TM6SF1: variants seen among roughly 807,000 people sequenced by gnomAD.
The protein encoded by TM6SF1 is transmembrane 6 superfamily member 1.
Under a neutral mutation model 47.1 loss-of-function variants are expected in TM6SF1, and 43 were observed. The ratio of observed to expected loss-of-function variants is 0.91; its 90% CI spans 0.72 to 1.18. The LOEUF is 1.18. TM6SF1 is among the 50% of genes most tolerant of loss of function. The pLI is 0.00. For missense variants in TM6SF1, 390 were observed against 449.0 expected, an observed-to-expected ratio of 0.87 and a Z score of 1.19; for synonymous variants, 177 against 166.3, an observed-to-expected ratio of 1.06 and a Z score of -0.49.
chr15:83,119,552 G>A lies in TM6SF1; in HGVS notation c.295-26G>A, dbSNP rs775297241. ...TGCATTTACAGGTCTTATTTAAAGT[G>A]GACTTCTTTTTAATGCTTTCTTTAG... On this transcript the variant is annotated intron_variant, in intron 3 of 9. Coordinates refer to ENST00000322019, the MANE Select transcript of TM6SF1 (RefSeq NM_023003.5). 8.1e-6 allele frequency: 13 copies of A among 1,612,236 alleles called. No individual in the cohort carries two copies. In the East Asian group the frequency reaches 2.7e-4, roughly 33 times the overall value.
intron 8 of TM6SF1, 43 bp downstream of exon 8, chr15:83,126,890 T>C (rs2035803418): frequency 6.5e-7 from 1 of 1,532,764 alleles, no homozygotes; most frequent in East Asian, 2.3e-5. Context: ...AAATTAATTT[T>C]CTTTTTAAAA....
chr15:83,119,835 C>A, intron 4 of TM6SF1, 154 bp downstream of exon 4: 1 of 1,169,518 alleles, frequency 8.6e-7, no homozygotes. Context: ...CTTTATCCTC[C>A]TTGTACCACT....
At chr15:83,112,061 T>G (rs1326117014) in intron 1 of TM6SF1, among the ~76,000 whole-genome samples, 1 of 152,198 alleles carries the variant, frequency 6.6e-6, no homozygotes, top group Admixed American at 6.5e-5. Context: ...GCCCTATCGC[T>G]GCCCCACTGA....
Position 83,107,680 on chromosome 15 carries a change from G to A in TM6SF1, c.-1G>A, listed in dbSNP as rs753740226. On this transcript the variant is annotated 5_prime_UTR_variant, in exon 1 of 10. Transcript: ENST00000322019. This position sits in a 1 kb window ranked among gnomAD's most constrained non-coding sequence, Gnocchi z 5.6. ...GAAGGGCGAGCGGCGCGGCGGCTGC[G>A]ATGAGTGCCTCTGCGGCCACCGGGG... The A allele has an allele frequency of 6.5e-7, 1 of 1,547,090 alleles. No homozygotes were observed. Among genetic ancestry groups the A allele is most frequent in the Non-Finnish European group, 8.7e-7 (1 of 1,148,294 alleles).
chr15:83,108,833 AG>A (rs1303349140), intron 1 of TM6SF1, among the ~76,000 whole-genome samples: 2 of 152,230 alleles, frequency 1.3e-5, no homozygotes, highest in Non-Finnish European at 2.9e-5. Context: ...TGATACAGGC[AG>A]CACCCACACT....
At chr15:83,136,181 A>G (rs1326895383) in intron 9 of TM6SF1, 1 of 239,966 alleles carries the variant, frequency 4.2e-6, no homozygotes, top group East Asian at 8.1e-5. Flanking sequence ...TTGAGCCACT[A>G]ATGTTCGGTA....
At chr15:83,126,083 T>C (rs1305291970) in intron 7 of TM6SF1, among the ~76,000 whole-genome samples, 2 of 152,132 alleles carry the variant, frequency 1.3e-5, no homozygotes, top group Non-Finnish European at 2.9e-5. Context: ...TGTGTGCATG[T>C]GTGGGGGTGC....
intron 9 of TM6SF1, chr15:83,134,606 CG>C: frequency 6.6e-6 from 1 of 152,284 alleles, no homozygotes; most frequent in Non-Finnish European, 1.5e-5. Context: ...AAAGAGCCTA[CG>C]GAATCACTGA....
At chr15:83,113,048 C>T (rs1465244004) in intron 2 of TM6SF1, 148 bp downstream of exon 2, 2 of 683,524 alleles carry the variant, frequency 2.9e-6, no homozygotes, top group Non-Finnish European at 2.6e-6. Flanking sequence ...ACAATCTGGC[C>T]CTCGCCTCTG....
At chr15:83,119,915 CTGAT>C (rs2035063376) in intron 4 of TM6SF1, 2 of 443,914 alleles carry the variant, frequency 4.5e-6, no homozygotes, top group Admixed American at 3.9e-5. Flanking sequence ...TTTAAGCTTT[CTGAT>C]TATGTTGTCT....
At chr15:83,135,109 T>C (rs990810118) in intron 9 of TM6SF1, 2 of 152,230 alleles carry the variant, frequency 1.3e-5, no homozygotes, top group East Asian at 3.9e-4. Flanking sequence ...CATGCTAATT[T>C]AATTTATATC....
At position 83,110,830 on chromosome 15, in the gene TM6SF1, C is replaced by T. The variant is rs2034078233; in HGVS notation, c.93-1967C>T. Among the ~76,000 whole-genome samples the T allele has an allele frequency of 3.9e-5, 6 of 152,324 alleles. No homozygotes were observed. In the South Asian group the frequency reaches 1.0e-3, roughly 26 times the overall value. On this transcript the variant is annotated intron_variant, in intron 1 of 9. Coordinates refer to ENST00000322019, the MANE Select transcript of TM6SF1 (RefSeq NM_023003.5). Reference sequence around the variant, plus strand: ...CCTATTTTTCAGTTTCTCACCTGGACATTGAAACAGCCACCCTCATTCTTT... The same window carrying T: ...CCTATTTTTCAGTTTCTCACCTGGATATTGAAACAGCCACCCTCATTCTTT...
At chr15:83,123,171 A>G (rs1236194370) in intron 6 of TM6SF1, among the ~76,000 whole-genome samples, 3 of 152,198 alleles carry the variant, frequency 2.0e-5, no homozygotes, top group Non-Finnish European at 2.9e-5. Context: ...TGTCAAGTGA[A>G]GTCCATAGTG....
intron 9 of TM6SF1, chr15:83,130,396 G>A (rs60935326): frequency 0.045 from 6,907 of 152,398 alleles, 434 homozygotes; most frequent in African/African-American, 0.13. Flanking sequence ...AGCCGCAGGG[G>A]CATTACCTCA....
intron 9 of TM6SF1, chr15:83,136,203 A>G: frequency 3.6e-6 from 1 of 277,398 alleles, no homozygotes; most frequent in East Asian, 6.2e-5. Flanking sequence ...GGGGCACTTG[A>G]TGGTTAAAAA....
Position 83,112,845 on chromosome 15 carries a change from A to G in TM6SF1, c.141A>G (p.Ala47=), listed in dbSNP as rs779502067. The G allele has an allele frequency of 6.2e-6, 10 of 1,614,112 alleles. No individual in the cohort carries two copies. Among genetic ancestry groups the G allele is most frequent in the Non-Finnish European group, 7.6e-6 (9 of 1,179,996 alleles). The change falls in exon 2 of 10, where the codon GCA becomes GCG. Residue 47 remains alanine (A), a synonymous_variant. Transcript: ENST00000322019. ...GVAALILFLV[A]LLARVLVKRK... ...CTGCCCTCATCCTGTTCCTGGTAGC[A>G]CTGCTGGCTCGTGTCCTCGTCAAAA...
Position 83,107,935 on chromosome 15 carries a change from C to T in TM6SF1, c.92+163C>T. On this transcript the variant is annotated intron_variant, in intron 1 of 9. Coordinates refer to ENST00000322019, the MANE Select transcript of TM6SF1 (RefSeq NM_023003.5). This position sits in a 1 kb window ranked among gnomAD's most constrained non-coding sequence, Gnocchi z 5.6. ...GCGCCTGGCCAGACTAGGGGGGCGC[C>T]CCAGGGGTCGCACGGGCCGGGTCTT... The T allele has an allele frequency of 7.9e-7, 1 of 1,266,946 alleles. No homozygotes were observed. The highest frequency in any genetic ancestry group is 2.2e-5 in the South Asian group (1 of 44,720). The allele number at this position is 1,266,946 out of a possible 1,614,324, so 78.5% of individuals were successfully genotyped here.
chr15:83,123,456 TTC>T (rs895567100), intron 6 of TM6SF1, among the ~76,000 whole-genome samples: 2 of 152,184 alleles, frequency 1.3e-5, no homozygotes, highest in Non-Finnish European at 2.9e-5. Flanking sequence ...CTAAGCTAGT[TTC>T]TCTCTGTTTC....
chr15:83,122,067 G>T, intron 5 of TM6SF1, 64 bp downstream of exon 5: 1 of 1,277,876 alleles, frequency 7.8e-7, no homozygotes, highest in South Asian at 1.3e-5. Context: ...TTTTTAAATA[G>T]AGAAGCTCTT....
Sources: allele counts gnomAD v4.1 joint callset (sites outside exome capture counted in the v4.1 genomes callset), GRCh38; gene constraint gnomAD v4.1.1; non-coding constraint Gnocchi (gnomAD v3.1); transcripts MANE v1.5; gene names NCBI Gene and HGNC (gene_info 2026-07-23, HGNC 2026-07-21).